The following DSCAM variants were observed in gnomAD, a reference collection of about 807,000 sequenced individuals.
DSCAM encodes the protein DS cell adhesion molecule.
Under a neutral mutation model 217.7 loss-of-function variants are expected in DSCAM, and 47 were observed. The observed-to-expected ratio is 0.22, with a 90% confidence interval of 0.17 to 0.28. The LOEUF is 0.28. Among genes scored for constraint, DSCAM ranks in the 10% least tolerant of loss-of-function variants. The pLI, the probability that DSCAM is intolerant of heterozygous loss-of-function variation, is 1.00. For missense variants in DSCAM, 2,080 were observed against 2,618.3 expected, an observed-to-expected ratio of 0.79 and a Z score of 4.49; for synonymous variants, 1,056 against 1,015.3, an observed-to-expected ratio of 1.04 and a Z score of -0.76.
intron 11 of DSCAM, among the ~76,000 whole-genome samples, chr21:40,246,991 G>T (rs556099789): frequency 6.6e-6 from 1 of 152,126 alleles, no homozygotes; most frequent in Non-Finnish European, 1.5e-5. Context: ...GCAGGGAAAG[G>T]CACTTCTTAC....
At chr21:40,272,559 G>C (rs893641844) in intron 11 of DSCAM, among the ~76,000 whole-genome samples, 44 of 152,164 alleles carry the variant, frequency 2.9e-4, no homozygotes, top group Admixed American at 2.6e-3. Context: ...AAAGCAGTAA[G>C]AAAATTTCCC....
chr21:40,554,661 G>A (rs1245749411), intron 3 of DSCAM, among the ~76,000 whole-genome samples: 3 of 152,100 alleles, frequency 2.0e-5, no homozygotes, highest in Non-Finnish European at 4.4e-5. Context: ...ATGCTGTATT[G>A]CACTAAATTA....
At chr21:40,202,869 T>C (rs1656295774) in intron 11 of DSCAM, among the ~76,000 whole-genome samples, 3 of 152,232 alleles carry the variant, frequency 2.0e-5, no homozygotes, top group African/African-American at 7.2e-5. Context: ...GTTATCTGGA[T>C]TGTATCATTT....
intron 3 of DSCAM, among the ~76,000 whole-genome samples, chr21:40,639,928 T>C (rs183070011): frequency 6.6e-6 from 1 of 152,066 alleles, no homozygotes; most frequent in Non-Finnish European, 1.5e-5. Context: ...CCATGCCTTG[T>C]TCTACACGGG....
At chr21:40,704,111 A>G (rs2090686384) in intron 2 of DSCAM, among the ~76,000 whole-genome samples, 1 of 152,176 alleles carries the variant, frequency 6.6e-6, no homozygotes, top group Non-Finnish European at 1.5e-5. Context: ...GCATAATGGC[A>G]GGTATCACCA....
intron 2 of DSCAM, among the ~76,000 whole-genome samples, chr21:40,699,493 G>A (rs2090632036): frequency 6.6e-6 from 1 of 152,318 alleles, no homozygotes; most frequent in Non-Finnish European, 1.5e-5. Flanking sequence ...TGAAAGCTAG[G>A]CCTTTTGTGC....
intron 5 of DSCAM, among the ~76,000 whole-genome samples, chr21:40,351,279 C>A (rs2074628117): frequency 6.6e-6 from 1 of 152,042 alleles, no homozygotes; most frequent in Non-Finnish European, 1.5e-5. Context: ...GCTTAAAGGG[C>A]ACCCAACATT....
chr21:40,042,957 A>AT (rs398121648), intron 31 of DSCAM, among the ~76,000 whole-genome samples: 1 of 152,056 alleles, frequency 6.6e-6, no homozygotes, highest in Non-Finnish European at 1.5e-5. Context: ...TTTAAAAAAA[A>AT]TCCTGCTTTT....
At chr21:40,342,043 G>A (rs982031828) in intron 6 of DSCAM, among the ~76,000 whole-genome samples, 3 of 152,094 alleles carry the variant, frequency 2.0e-5, no homozygotes, top group Non-Finnish European at 2.9e-5. Context: ...CAGAAATACC[G>A]TGGAAGGCAC....
intron 1 of DSCAM, among the ~76,000 whole-genome samples, chr21:40,722,424 T>G (rs1329875992): frequency 6.6e-6 from 1 of 152,146 alleles, no homozygotes; most frequent in Admixed American, 6.5e-5. Context: ...TGTAAGGTCC[T>G]TCTATAAATT....
chr21:40,463,523 C>A (rs1225331260), intron 3 of DSCAM, among the ~76,000 whole-genome samples: 1 of 152,142 alleles, frequency 6.6e-6, no homozygotes, highest in East Asian at 1.9e-4. Flanking sequence ...CTCTGATCAT[C>A]CCCACTTTCC....
At chr21:40,188,916 A>T in intron 12 of DSCAM, 126 bp downstream of exon 12, 1 of 956,428 alleles carries the variant, frequency 1.0e-6, no homozygotes. Context: ...AAGGGGAGAG[A>T]AATAGTGCTT....
chr21:40,715,342 T>A (rs2090830188), intron 1 of DSCAM, among the ~76,000 whole-genome samples: 1 of 152,244 alleles, frequency 6.6e-6, no homozygotes. Context: ...TCCATCGTTT[T>A]TCTCTTGGTC....
chr21:40,492,563 T>A (rs2076084550), intron 3 of DSCAM, among the ~76,000 whole-genome samples: 1 of 151,734 alleles, frequency 6.6e-6, no homozygotes, highest in Non-Finnish European at 1.5e-5. Context: ...TAAAAGCAAA[T>A]TCTGGAGCTA....
chr21:40,317,262 T>G (rs2074207543), intron 8 of DSCAM, among the ~76,000 whole-genome samples: 2 of 152,218 alleles, frequency 1.3e-5, no homozygotes, highest in Admixed American at 1.3e-4. Context: ...AACAACATCG[T>G]TTAGCTAAAT....
At chr21:40,639,855 A>C (rs2089856115) in intron 3 of DSCAM, among the ~76,000 whole-genome samples, 2 of 152,212 alleles carry the variant, frequency 1.3e-5, no homozygotes, top group Admixed American at 1.3e-4. Flanking sequence ...TAAAAGTCAT[A>C]CTTGAAAATA....
At chr21:40,455,099 A>C (rs2075752567) in intron 3 of DSCAM, among the ~76,000 whole-genome samples, 1 of 152,212 alleles carries the variant, frequency 6.6e-6, no homozygotes, top group Non-Finnish European at 1.5e-5. Flanking sequence ...CTGATCTAGG[A>C]AGACTTCCAC....
At position 40,499,361 on chromosome 21, in the gene DSCAM, C is replaced by A. The variant is rs552853133; in HGVS notation, c.509-130116G>T. ...AGTCCATCTCTTCACAGGTTTCTCT[C>A]TTGCTCTTTGAATACCTCAATCAGA... On this transcript the variant is annotated intron_variant, in intron 3 of 32. Coordinates refer to ENST00000400454, the MANE Select transcript of DSCAM (RefSeq NM_001389.5). 5.9e-5 allele frequency among the ~76,000 whole-genome samples: 9 copies of A among 152,304 alleles called. No homozygotes were observed. In the South Asian group the frequency reaches 1.7e-3, roughly 28 times the overall value.
At chr21:40,194,517 A>C (rs2090986884) in intron 11 of DSCAM, among the ~76,000 whole-genome samples, 1 of 152,204 alleles carries the variant, frequency 6.6e-6, no homozygotes, top group Non-Finnish European at 1.5e-5. Flanking sequence ...AGCAGGGCCA[A>C]GGGAGATCCA....
Sources: gnomAD v4.1 joint callset for allele counts (sites outside exome capture counted in the v4.1 genomes callset) on GRCh38, gnomAD v4.1.1 for gene constraint, MANE v1.5 for transcripts, NCBI Gene and HGNC (gene_info 2026-07-23, HGNC 2026-07-21) for gene names.